The following SKAP2 variants were observed in gnomAD, a reference collection of about 807,000 sequenced individuals.
SKAP2 encodes src kinase associated phosphoprotein 2.
SKAP2 carries 28 observed loss-of-function variants against 54.9 expected under a neutral mutation model. The ratio of observed to expected loss-of-function variants is 0.51; its 90% CI spans 0.38 to 0.70. The LOEUF is 0.70. SKAP2 is among the 30% of genes least tolerant of loss of function. SKAP2 has a pLI of 0.00. For missense variants in SKAP2, 356 were observed against 424.1 expected (o/e 0.84, Z 1.41); for synonymous variants, 137 against 134.3 (o/e 1.02, Z -0.14).
intron 1 of SKAP2, among the ~76,000 whole-genome samples, chr7:26,862,314 A>C (rs1190984578): frequency 6.6e-6 from 1 of 152,080 alleles, no homozygotes; most frequent in Non-Finnish European, 1.5e-5. Flanking sequence ...TTTCCAAATA[A>C]GTTTTTTTAA....
At chr7:26,855,970 G>C (rs1399761108) in intron 1 of SKAP2, among the ~76,000 whole-genome samples, 2 of 151,984 alleles carry the variant, frequency 1.3e-5, no homozygotes, top group Non-Finnish European at 2.9e-5. Flanking sequence ...CGTATAAATA[G>C]TTCAAAGTAG....
At chr7:26,773,143 T>C (rs1358127189) in intron 4 of SKAP2, among the ~76,000 whole-genome samples, 1 of 152,250 alleles carries the variant, frequency 6.6e-6, no homozygotes, top group African/African-American at 2.4e-5. Context: ...CATGTAATTA[T>C]GTAGGTCTAC....
intron 4 of SKAP2, among the ~76,000 whole-genome samples, chr7:26,773,751 C>T (rs919959826): frequency 6.6e-6 from 1 of 152,184 alleles, no homozygotes; most frequent in African/African-American, 2.4e-5. Flanking sequence ...ACAGGTTTTG[C>T]AGTTATCTCA....
chr7:26,672,441 A>G (rs1170671232), intron 11 of SKAP2, among the ~76,000 whole-genome samples: 5 of 151,984 alleles, frequency 3.3e-5, no homozygotes, highest in Admixed American at 6.6e-5. Flanking sequence ...CTATAAACAA[A>G]TCCCTTAAAA....
chr7:26,730,633 T>C (rs1256131535), intron 6 of SKAP2, among the ~76,000 whole-genome samples: 1 of 152,200 alleles, frequency 6.6e-6, no homozygotes, highest in Non-Finnish European at 1.5e-5. Context: ...CACTTTAACC[T>C]AACCTCTATC....
chr7:26,860,889 C>A (rs902816787), intron 1 of SKAP2, among the ~76,000 whole-genome samples: 3 of 240 alleles, frequency 0.013, no homozygotes, highest in African/African-American at 0.058. Context: ...TCTAAAAATT[C>A]CCAGTAGGGA....
At chr7:26,814,095 C>T (rs1217845721) in intron 4 of SKAP2, among the ~76,000 whole-genome samples, 1 of 151,992 alleles carries the variant, frequency 6.6e-6, no homozygotes, top group Non-Finnish European at 1.5e-5. Context: ...TAAAACTAAT[C>T]ATGATTTACT....
chr7:26,727,385 T>C (rs965697329), intron 6 of SKAP2, among the ~76,000 whole-genome samples: 7 of 152,096 alleles, frequency 4.6e-5, no homozygotes, highest in African/African-American at 1.7e-4. Context: ...TGTCGGGCTT[T>C]ATCTACTGTT....
intron 4 of SKAP2, among the ~76,000 whole-genome samples, chr7:26,772,684 G>A (rs987662197): frequency 1.3e-5 from 2 of 152,148 alleles, no homozygotes; most frequent in Admixed American, 6.5e-5. Context: ...CTTGTATGCA[G>A]CACTTTACAA....
intron 6 of SKAP2, among the ~76,000 whole-genome samples, chr7:26,738,564 TA>T (rs968254385): frequency 2.0e-5 from 3 of 152,236 alleles, no homozygotes; most frequent in African/African-American, 7.2e-5. Flanking sequence ...AAAGTTATTT[TA>T]CTCTCTTTTC....
At chr7:26,824,547 T>C (rs1427441088) in intron 4 of SKAP2, among the ~76,000 whole-genome samples, 2 of 148,218 alleles carry the variant, frequency 1.3e-5, no homozygotes. Flanking sequence ...CCTATCAGTT[T>C]GAGACCCTTG....
chr7:26,816,929 C>A (rs1784277012), intron 4 of SKAP2, among the ~76,000 whole-genome samples: 1 of 152,088 alleles, frequency 6.6e-6, no homozygotes, highest in Non-Finnish European at 1.5e-5. Flanking sequence ...TTGCTCAGTG[C>A]ACTATCTGAA....
At chr7:26,705,219 G>C (rs568259297) in intron 9 of SKAP2, among the ~76,000 whole-genome samples, 1 of 152,188 alleles carries the variant, frequency 6.6e-6, no homozygotes, top group South Asian at 2.1e-4. Context: ...TTAAATATGA[G>C]ATTTTATAAA....
At chr7:26,843,897 T>C in intron 4 of SKAP2, 133 bp downstream of exon 4, 1 of 584,910 alleles carries the variant, frequency 1.7e-6, no homozygotes, top group Non-Finnish European at 3.0e-6. Flanking sequence ...AGCTCTTCTG[T>C]TCCTTAAAAG....
chr7:26,864,565 G>A lies in SKAP2; in HGVS notation c.-136C>T, dbSNP rs771487536. ...CGGGGCTACGAGTCGGGACACTGCC[G>A]GGCCGGGGCTCACAACAAGGAAGTC... On this transcript the variant is annotated 5_prime_UTR_variant, in exon 1 of 13. Coordinates refer to ENST00000345317, the MANE Select transcript of SKAP2 (RefSeq NM_003930.5). 125 of 1,426,390 alleles carry A rather than the reference G, an allele frequency of 8.8e-5. 1 individual carries two copies. The South Asian group carries it at 1.4e-3, about 15-fold the overall frequency. The allele number at this position is 1,426,390 out of a possible 1,614,324, so 88.4% of individuals were successfully genotyped here.
At chr7:26,856,036 T>C (rs1012000974) in intron 1 of SKAP2, among the ~76,000 whole-genome samples, 1 of 152,132 alleles carries the variant, frequency 6.6e-6, no homozygotes, top group African/African-American at 2.4e-5. Flanking sequence ...TAAAACCTAG[T>C]ATATGTGATA....
At chr7:26,739,051 A>G (rs1258222098) in intron 5 of SKAP2, among the ~76,000 whole-genome samples, 173 bp from the exon 6 acceptor site, 1 of 152,234 alleles carries the variant, frequency 6.6e-6, no homozygotes, top group Non-Finnish European at 1.5e-5. Context: ...AAGGGAATAA[A>G]GTAAAGTAGC....
At chr7:26,788,060 C>A (rs191951645) in intron 4 of SKAP2, among the ~76,000 whole-genome samples, 200 of 152,272 alleles carry the variant, frequency 1.3e-3, no homozygotes, top group African/African-American at 4.5e-3. Context: ...CAAACTCCCA[C>A]AACCCACAAA....
At chr7:26,821,228 A>G (rs1784378971) in intron 4 of SKAP2, among the ~76,000 whole-genome samples, 1 of 152,154 alleles carries the variant, frequency 6.6e-6, no homozygotes, top group African/African-American at 2.4e-5. Context: ...ATAGTAACAT[A>G]ACATGATGCC....
Sources: allele counts gnomAD v4.1 joint callset (sites outside exome capture counted in the v4.1 genomes callset), GRCh38; gene constraint gnomAD v4.1.1; transcripts MANE v1.5; gene names NCBI Gene and HGNC (gene_info 2026-07-23, HGNC 2026-07-21).